Variants in MYH10 observed in about 807,000 individuals in gnomAD.
MYH10 encodes myosin heavy chain 10, also known as myosin-10.
MYH10 carries 55 observed loss-of-function variants against 257.8 expected under a neutral mutation model. That is an observed-to-expected ratio of 0.21 (90% confidence interval 0.17 to 0.27). MYH10 has a LOEUF of 0.27. Among genes scored for constraint, MYH10 ranks in the 10% least tolerant of loss-of-function variants. The pLI is 1.00. For synonymous variants in MYH10, 854 were observed against 921.7 expected, an observed-to-expected ratio of 0.93 and a Z score of 1.33; for missense variants, 1,631 against 2,500.6, an observed-to-expected ratio of 0.65 and a Z score of 7.42.
At chr17:8,601,503 C>A (rs444620) in intron 3 of MYH10, among the ~76,000 whole-genome samples, 145,981 of 152,228 alleles carry the variant, frequency 0.96, 70,282 homozygotes, top group East Asian at 1. Flanking sequence ...GTTCAGGTGA[C>A]CTTTTTCAAA....
At chr17:8,518,042 G>C (rs1177187696) in intron 21 of MYH10, among the ~76,000 whole-genome samples, 2 of 149,066 alleles carry the variant, frequency 1.3e-5, no homozygotes, top group Non-Finnish European at 3.0e-5. Flanking sequence ...GTGTGTGTGT[G>C]TGTGTGTGAG....
intron 2 of MYH10, among the ~76,000 whole-genome samples, chr17:8,619,958 A>G (rs2085404984): frequency 6.6e-6 from 1 of 152,098 alleles, no homozygotes; most frequent in Non-Finnish European, 1.5e-5. Context: ...GCAAAACTAA[A>G]TTGTCATTTA....
At chr17:8,581,793 T>C (rs1291890506) in intron 4 of MYH10, among the ~76,000 whole-genome samples, 2 of 152,246 alleles carry the variant, frequency 1.3e-5, no homozygotes, top group Non-Finnish European at 2.9e-5. Flanking sequence ...TCATCCACTA[T>C]ACATGAGGTG....
At chr17:8,529,813 G>A (rs577951910) in intron 17 of MYH10, among the ~76,000 whole-genome samples, 8 of 152,280 alleles carry the variant, frequency 5.3e-5, no homozygotes, top group African/African-American at 1.9e-4. Flanking sequence ...TTATCTTTGA[G>A]TTTCGCTACT....
rs146813430 is a variant in MYH10 at position 8,504,955 on chromosome 17, G to A, written c.3387-49C>T. The A allele has an allele frequency of 9.2e-5, 141 of 1,535,538 alleles. 1 individual carries two copies. In the Middle Eastern group the frequency reaches 6.0e-3, roughly 65 times the overall value. On this transcript the variant is annotated intron_variant, in intron 27 of 42. Transcript: ENST00000360416. The surrounding 1 kb of genome is among the most constrained non-coding windows in gnomAD (Gnocchi z 5.6). Reference sequence around the variant, plus strand: ...AGGCACTCAGAGATGGCACCCGGATGGCCTGTTTCTCAGGCGAGCCCCAGC... The same window carrying A: ...AGGCACTCAGAGATGGCACCCGGATAGCCTGTTTCTCAGGCGAGCCCCAGC...
At chr17:8,593,014 G>A (rs8076506) in intron 3 of MYH10, among the ~76,000 whole-genome samples, 123,176 of 127,132 alleles carry the variant, frequency 0.97, 59,836 homozygotes, top group Middle Eastern at 1. Flanking sequence ...TGTCCTGGGA[G>A]TGCAAGGCTA....
intron 36 of MYH10, among the ~76,000 whole-genome samples, chr17:8,486,336 T>C (rs1914767100): frequency 6.6e-6 from 1 of 152,156 alleles, no homozygotes; most frequent in South Asian, 2.1e-4. Flanking sequence ...TGAACTATAT[T>C]TCAATAAAGC....
At chr17:8,586,345 A>G (rs1077119) in intron 4 of MYH10, among the ~76,000 whole-genome samples, 104,632 of 152,010 alleles carry the variant, frequency 0.69, 36,082 homozygotes, top group East Asian at 0.77. Context: ...GGTCCCCTGA[A>G]CCCAAGTTGC....
At chr17:8,624,723 C>G (rs2085605308) in intron 1 of MYH10, among the ~76,000 whole-genome samples, 1 of 152,234 alleles carries the variant, frequency 6.6e-6, no homozygotes, top group Non-Finnish European at 1.5e-5. Context: ...AGGGCTCTAT[C>G]TGTATCCTAA....
intron 6 of MYH10, among the ~76,000 whole-genome samples, chr17:8,571,528 A>T (rs1342194881): frequency 6.6e-6 from 1 of 152,048 alleles, no homozygotes; most frequent in Non-Finnish European, 1.5e-5. Flanking sequence ...TATGCCTGTA[A>T]TCCCAAAACT....
chr17:8,589,429 T>C (rs971247524), intron 3 of MYH10, among the ~76,000 whole-genome samples: 2 of 152,138 alleles, frequency 1.3e-5, no homozygotes, highest in Non-Finnish European at 1.5e-5. Context: ...CCGGGAAGTT[T>C]TATAAAAATG....
intron 17 of MYH10, among the ~76,000 whole-genome samples, chr17:8,528,490 T>C (rs1380663500): frequency 1.3e-5 from 2 of 152,232 alleles, no homozygotes; most frequent in Non-Finnish European, 2.9e-5. Context: ...TATTCTCCCC[T>C]GTTCCTTTCT....
At chr17:8,576,234 C>A (rs1020161727) in intron 6 of MYH10, among the ~76,000 whole-genome samples, 1 of 152,102 alleles carries the variant, frequency 6.6e-6, no homozygotes, top group Non-Finnish European at 1.5e-5. Flanking sequence ...TTTAACAGAT[C>A]AGAAATTTGT....
chr17:8,532,222 A>G lies in MYH10; in HGVS notation c.1895-1537T>C, dbSNP rs1007444771. Among the ~76,000 whole-genome samples the G allele has an allele frequency of 4.6e-5, 7 of 152,260 alleles. No individual in the cohort carries two copies. The South Asian group carries it at 1.4e-3, about 31-fold the overall frequency. On this transcript the variant is annotated intron_variant, in intron 16 of 42. Transcript: ENST00000360416. ...CAGAGCCAAAGCAAACCTGGGGTAG[A>G]TAAGATATCCCTTGGCTTATTTTGA...
chr17:8,480,062 C>A, intron 40 of MYH10, 48 bp downstream of exon 40: 1 of 1,593,354 alleles, frequency 6.3e-7, no homozygotes, highest in Non-Finnish European at 8.6e-7. Context: ...TTGTCTCTGA[C>A]TGAGCCTAGT....
intron 2 of MYH10, among the ~76,000 whole-genome samples, chr17:8,608,691 T>C (rs1440646384): frequency 6.6e-6 from 1 of 152,242 alleles, no homozygotes; most frequent in Non-Finnish European, 1.5e-5. Flanking sequence ...ACAAAAATAT[T>C]TGCAGTTGGA....
intron 4 of MYH10, 144 bp from the exon 5 acceptor site, chr17:8,577,482 G>T: frequency 2.1e-6 from 1 of 482,496 alleles, no homozygotes; most frequent in Admixed American, 3.3e-5. Context: ...ATCAGCAGTA[G>T]TTAGAAAAGA....
chr17:8,489,737 A>AC (rs1915462839), intron 35 of MYH10, among the ~76,000 whole-genome samples: 1 of 136,364 alleles, frequency 7.3e-6, no homozygotes, highest in African/African-American at 2.6e-5. Context: ...ACACACACAC[A>AC]CACACACACC....
chr17:8,491,259 C>T (rs894454126), intron 34 of MYH10, among the ~76,000 whole-genome samples: 1 of 152,236 alleles, frequency 6.6e-6, no homozygotes, highest in Non-Finnish European at 1.5e-5. Flanking sequence ...TCTACAGTGT[C>T]TGGTGCTCAG....
Sources: allele counts gnomAD v4.1 joint callset (sites outside exome capture counted in the v4.1 genomes callset), GRCh38; gene constraint gnomAD v4.1.1; non-coding constraint Gnocchi (gnomAD v3.1); transcripts MANE v1.5; gene names NCBI Gene and HGNC (gene_info 2026-07-23, HGNC 2026-07-21).